LRRC7: variants seen among roughly 807,000 people sequenced by gnomAD.
LRRC7 encodes leucine-rich repeat-containing protein 7.
LRRC7 carries 23 observed loss-of-function variants against 175.7 expected under a neutral mutation model. The ratio of observed to expected loss-of-function variants is 0.13; its 90% CI spans 0.09 to 0.19. LRRC7 has a LOEUF of 0.19. Among genes scored for constraint, LRRC7 ranks in the 10% least tolerant of loss-of-function variants. The probability of loss-of-function intolerance (pLI) is 1.00; values close to 1 mark genes in which losing one functional copy is unlikely to be tolerated. For missense variants in LRRC7, 1,354 were observed against 1,904.7 expected, an observed-to-expected ratio of 0.71 and a Z score of 5.38; for synonymous variants, 685 against 680.9, an observed-to-expected ratio of 1.01 and a Z score of -0.09.
intron 3 of LRRC7, among the ~76,000 whole-genome samples, chr1:69,775,950 G>T (rs1200488160): frequency 1.3e-5 from 2 of 152,114 alleles, no homozygotes; most frequent in African/African-American, 4.8e-5. Flanking sequence ...CACCCTTATT[G>T]CCTCCTAGCC....
At chr1:69,826,727 G>A (rs539542061) in intron 5 of LRRC7, among the ~76,000 whole-genome samples, 2 of 152,246 alleles carry the variant, frequency 1.3e-5, no homozygotes, top group Non-Finnish European at 2.9e-5. Context: ...GTCTGATGAA[G>A]TGTAGGAGGC....
At chr1:69,639,238 C>CTAAA (rs1251011862) in intron 1 of LRRC7, among the ~76,000 whole-genome samples, 1 of 151,590 alleles carries the variant, frequency 6.6e-6, no homozygotes, top group Admixed American at 6.6e-5. Context: ...TAAAGGCTAC[C>CTAAA]CAATGATCTG....
At chr1:70,108,831 G>T (rs1373123138) in intron 26 of LRRC7, among the ~76,000 whole-genome samples, 3 of 152,182 alleles carry the variant, frequency 2.0e-5, no homozygotes, top group African/African-American at 7.2e-5. Flanking sequence ...GTTTAAAAAT[G>T]CAAGGATCCC....
intron 1 of LRRC7, among the ~76,000 whole-genome samples, chr1:69,600,800 C>CTTTTTTTTTTTTTTTTTTTTTTTT (rs59212223): frequency 1.5e-5 from 1 of 64,896 alleles, no homozygotes; most frequent in Non-Finnish European, 2.8e-5. Flanking sequence ...TCTCTGGTTT[C>CTTTTTTTTTTTTTTTTTTTTTTTT]TTTTTTTTTT....
rs575514894 is a variant in LRRC7 at position 69,583,810 on chromosome 1, T to C, written c.2+15169T>C. Among the ~76,000 whole-genome samples the C allele has an allele frequency of 1.1e-4, 17 of 152,270 alleles. 1 individual carries two copies. The South Asian group carries it at 1.5e-3, about 13-fold the overall frequency. ...GCATTGCACTGTCTCTCAATTTTTT[T>C]CTTTGATTGACAAAGGGTGATATTA... is the stretch of plus-strand genomic sequence containing the variant. On this transcript the variant is annotated intron_variant, in intron 1 of 26. Coordinates refer to ENST00000651989, the MANE Select transcript of LRRC7 (RefSeq NM_001370785.2).
chr1:69,885,878 A>G (rs1248239698), intron 7 of LRRC7, among the ~76,000 whole-genome samples: 1 of 117,088 alleles, frequency 8.5e-6, no homozygotes. Flanking sequence ...TTATGTATCC[A>G]GTAGTCATTC....
chr1:70,088,946 A>G (rs1663815442), intron 24 of LRRC7, among the ~76,000 whole-genome samples: 1 of 152,150 alleles, frequency 6.6e-6, no homozygotes, highest in South Asian at 2.1e-4. Flanking sequence ...ACTTTCATTC[A>G]TGATTTGGGA....
chr1:69,863,275 A>G (rs1283242708), intron 7 of LRRC7, among the ~76,000 whole-genome samples: 1 of 152,182 alleles, frequency 6.6e-6, no homozygotes, highest in East Asian at 1.9e-4. Flanking sequence ...CCTCCAATCT[A>G]AAGTAGCCAT....
At chr1:69,686,181 T>C (rs903381572) in intron 2 of LRRC7, among the ~76,000 whole-genome samples, 1 of 152,082 alleles carries the variant, frequency 6.6e-6, no homozygotes, top group Non-Finnish European at 1.5e-5. Context: ...GAAGGAGAAA[T>C]AAAATCACTC....
chr1:69,666,467 CTT>C (rs1658287559), intron 1 of LRRC7, among the ~76,000 whole-genome samples: 1 of 152,040 alleles, frequency 6.6e-6, no homozygotes, highest in Admixed American at 6.5e-5. Flanking sequence ...TGCTGGGAGA[CTT>C]ATTATTATGG....
intron 1 of LRRC7, among the ~76,000 whole-genome samples, chr1:69,633,907 AT>A (rs1238597970): frequency 6.6e-6 from 1 of 151,810 alleles, no homozygotes; most frequent in Non-Finnish European, 1.5e-5. Context: ...TTGCTGATAT[AT>A]TTTTGTCTAA....
At chr1:69,792,259 T>C (rs961515066) in intron 4 of LRRC7, 99 bp downstream of exon 4, 64 of 735,256 alleles carry the variant, frequency 8.7e-5, no homozygotes, top group Admixed American at 7.3e-4. Context: ...ACTTTTTCTT[T>C]GATTTTGTTG....
At chr1:69,669,977 C>T (rs1378907559) in intron 1 of LRRC7, among the ~76,000 whole-genome samples, 1 of 151,994 alleles carries the variant, frequency 6.6e-6, no homozygotes, top group Non-Finnish European at 1.5e-5. Context: ...TTCTGAATTC[C>T]TTCACTGTGT....
chr1:69,930,751 T>C (rs989705073), intron 7 of LRRC7, among the ~76,000 whole-genome samples: 2 of 152,168 alleles, frequency 1.3e-5, no homozygotes, highest in African/African-American at 2.4e-5. Flanking sequence ...CTTAAAATCA[T>C]GGCCGAAGGG....
intron 3 of LRRC7, among the ~76,000 whole-genome samples, chr1:69,788,574 T>C (rs1199000653): frequency 1.3e-5 from 2 of 152,230 alleles, no homozygotes; most frequent in African/African-American, 4.8e-5. Flanking sequence ...GTCAAGCAAA[T>C]ATCTGAAACT....
At chr1:69,807,864 T>C (rs1463012303) in intron 4 of LRRC7, among the ~76,000 whole-genome samples, 1 of 152,046 alleles carries the variant, frequency 6.6e-6, no homozygotes, top group Non-Finnish European at 1.5e-5. Flanking sequence ...GCTGGGGAAG[T>C]TCTCCCGGAT....
At chr1:69,672,561 G>T (rs1570287688) in intron 1 of LRRC7, among the ~76,000 whole-genome samples, 1 of 152,256 alleles carries the variant, frequency 6.6e-6, no homozygotes, top group African/African-American at 2.4e-5. Flanking sequence ...TACATATAAA[G>T]AACCTAACAA....
intron 3 of LRRC7, among the ~76,000 whole-genome samples, chr1:69,790,021 TC>T (rs147331174): frequency 0.011 from 1,745 of 152,086 alleles, 35 homozygotes; most frequent in African/African-American, 0.04. Flanking sequence ...AAAAAAAGAC[TC>T]CTTAAAAATC....
intron 22 of LRRC7, among the ~76,000 whole-genome samples, chr1:70,048,700 C>A (rs1660522508): frequency 6.6e-6 from 1 of 152,078 alleles, no homozygotes. Context: ...CAATCATGCC[C>A]TGTGTGCTAC....
Sources: gnomAD v4.1 joint callset for allele counts (sites outside exome capture counted in the v4.1 genomes callset) on GRCh38, gnomAD v4.1.1 for gene constraint, MANE v1.5 for transcripts, NCBI Gene and HGNC (gene_info 2026-07-23, HGNC 2026-07-21) for gene names.